The following ZNF804A variants were observed in gnomAD, a reference collection of about 807,000 sequenced individuals.
ZNF804A encodes zinc finger protein 804A.
In ZNF804A, 2 loss-of-function variants were observed where a neutral mutation model predicts 16.5. That is an observed-to-expected ratio of 0.12 (90% CI 0.05 to 0.38). ZNF804A has a LOEUF of 0.38. ZNF804A is among the 10% of genes least tolerant of loss of function. The probability of loss-of-function intolerance (pLI) is 0.99; values close to 1 mark genes in which losing one functional copy is unlikely to be tolerated. For synonymous variants in ZNF804A, 534 were observed against 489.6 expected, an observed-to-expected ratio of 1.09 and a Z score of -1.20; for missense variants, 1,473 against 1,390.7, an observed-to-expected ratio of 1.06 and a Z score of -0.94.
chr2:184,733,311 T>A (rs1478351729), intron 1 of ZNF804A, among the ~76,000 whole-genome samples: 5 of 152,298 alleles, frequency 3.3e-5, no homozygotes, highest in Non-Finnish European at 7.4e-5. Context: ...CTGTAACCTG[T>A]TGATGTAATA....
rs763878894 is a variant in ZNF804A at position 184,938,648 on chromosome 2, G to A, written c.3252G>A (p.Leu1084=). 2 of 1,613,730 alleles carry A rather than the reference G, an allele frequency of 1.2e-6. No individual in the cohort carries two copies. The highest frequency in any genetic ancestry group is 2.2e-5 in the South Asian group (2 of 91,064). ...CCCCTAGCACACCTCTGCAGCCTTT[G>A]CCTTTGCAGCAGTCCTTATGTTCTA... is the stretch of plus-strand genomic sequence containing the variant. ...LPPPSTPLQP[L]PLQQSLCSTS... Residue 1084 remains leucine (L), a synonymous_variant, in exon 4 of 4, where the codon TTG becomes TTA. Transcript: ENST00000302277.
Position 184,938,904 on chromosome 2 carries a change from C to A in ZNF804A, c.3508C>A (p.Pro1170Thr). ...AACTTTTGTTGCTCCTCCTCAGATG[C>A]CAATCATTCCAGCTTCCGTTCTTCA... ...QPTFVAPPQM[P>T]IIPASVLHPS... Residue 1170 changes from proline (P) to threonine (T), a missense_variant, in exon 4 of 4, where the codon CCA (proline) becomes ACA (threonine). Pro to Thr is a conservative substitution (Grantham distance 38). Coordinates refer to ENST00000302277, the MANE Select transcript of ZNF804A (RefSeq NM_194250.2). The A allele has an allele frequency of 6.2e-7, 1 of 1,613,884 alleles. No homozygotes were observed. The highest frequency in any genetic ancestry group is 8.5e-7 in the Non-Finnish European group (1 of 1,179,972).
chr2:184,658,056 T>G (rs560158920), intron 1 of ZNF804A, among the ~76,000 whole-genome samples: 1 of 152,342 alleles, frequency 6.6e-6, no homozygotes. Flanking sequence ...TTCATGGAGG[T>G]CTTCACATAA....
At chr2:184,713,969 T>A (rs1693174592) in intron 1 of ZNF804A, among the ~76,000 whole-genome samples, 1 of 151,984 alleles carries the variant, frequency 6.6e-6, no homozygotes, top group Non-Finnish European at 1.5e-5. Flanking sequence ...ATGAAGAGAT[T>A]TATTAAAAAT....
rs114798080 is a variant in ZNF804A at position 184,846,960 on chromosome 2, G to C, written c.112-19409G>C. Among the ~76,000 whole-genome samples, 1,388 of 152,130 alleles carry C rather than the reference G, an allele frequency of 9.1e-3. 23 individuals are homozygous for C. Among genetic ancestry groups the C allele is most frequent in the African/African-American group, 0.032 (1,327 of 41,512 alleles). On this transcript the variant is annotated intron_variant, in intron 1 of 3. Coordinates refer to ENST00000302277, the MANE Select transcript of ZNF804A (RefSeq NM_194250.2). ...CTTCTTGTACATGAACAGATTCTAA[G>C]GTTAGAAACCATGCTGTTGGTCCAA...
chr2:184,682,594 T>C (rs1692560791), intron 1 of ZNF804A, among the ~76,000 whole-genome samples: 2 of 152,110 alleles, frequency 1.3e-5, no homozygotes, highest in African/African-American at 4.8e-5. Flanking sequence ...AGATTGTAAA[T>C]AGGCAATTGT....
At chr2:184,763,854 A>C (rs1395250195) in intron 1 of ZNF804A, among the ~76,000 whole-genome samples, 6 of 151,236 alleles carry the variant, frequency 4.0e-5, no homozygotes, top group Non-Finnish European at 8.9e-5. Context: ...GTGTTAGCCA[A>C]GATAGCCTCG....
intron 1 of ZNF804A, among the ~76,000 whole-genome samples, chr2:184,814,660 C>G (rs748803485): frequency 2.6e-5 from 4 of 152,020 alleles, no homozygotes; most frequent in Non-Finnish European, 5.9e-5. Context: ...GATATAATCA[C>G]TTGTCTGGTA....
intron 1 of ZNF804A, among the ~76,000 whole-genome samples, chr2:184,696,933 C>A (rs1166759832): frequency 2.6e-5 from 4 of 151,694 alleles, no homozygotes; most frequent in African/African-American, 9.7e-5. Context: ...AAAAAAATCA[C>A]CCAGAAGCCC....
At chr2:184,719,082 T>C (rs1245310087) in intron 1 of ZNF804A, among the ~76,000 whole-genome samples, 1 of 152,180 alleles carries the variant, frequency 6.6e-6, no homozygotes, top group Non-Finnish European at 1.5e-5. Flanking sequence ...AGCTGGAGGT[T>C]CTCAAACCCC....
intron 1 of ZNF804A, among the ~76,000 whole-genome samples, chr2:184,630,443 C>A (rs921766568): frequency 2.6e-5 from 4 of 152,098 alleles, no homozygotes; most frequent in African/African-American, 9.7e-5. Flanking sequence ...CAATGCCAAA[C>A]ACTTTCTCCT....
Position 184,882,998 on chromosome 2 carries a change from T to C in ZNF804A, c.255+16486T>C, listed in dbSNP as rs527336405. On this transcript the variant is annotated intron_variant, in intron 2 of 3. Coordinates refer to ENST00000302277, the MANE Select transcript of ZNF804A (RefSeq NM_194250.2). ...CATAAAAGATCAACAAATCCACAAT[T>C]TGGTTTTTGGAAAGAATAAATAAGA... Among the ~76,000 whole-genome samples the C allele has an allele frequency of 2.0e-5, 3 of 152,072 alleles. No homozygotes were observed. The East Asian group carries it at 5.8e-4, about 29-fold the overall frequency.
At chr2:184,909,270 T>C (rs1272258434) in intron 2 of ZNF804A, among the ~76,000 whole-genome samples, 1 of 152,078 alleles carries the variant, frequency 6.6e-6, no homozygotes, top group Non-Finnish European at 1.5e-5. Context: ...ACAAGTTAAG[T>C]ACTTTATTAG....
At chr2:184,896,742 A>C (rs926048340) in intron 2 of ZNF804A, among the ~76,000 whole-genome samples, 3 of 152,128 alleles carry the variant, frequency 2.0e-5, no homozygotes, top group African/African-American at 7.2e-5. Context: ...TTGTCAATAC[A>C]GTTAAATGTA....
At chr2:184,819,588 A>G (rs1214360817) in intron 1 of ZNF804A, among the ~76,000 whole-genome samples, 1 of 152,034 alleles carries the variant, frequency 6.6e-6, no homozygotes, top group Non-Finnish European at 1.5e-5. Flanking sequence ...GCTGGAGGAG[A>G]TGGAGACACG....
intron 1 of ZNF804A, among the ~76,000 whole-genome samples, chr2:184,746,262 A>G (rs867476623): frequency 6.6e-6 from 1 of 151,526 alleles, no homozygotes; most frequent in Non-Finnish European, 1.5e-5. Context: ...CCCTATTGTG[A>G]TACGAAGCAC....
chr2:184,739,699 T>A (rs1055453585), intron 1 of ZNF804A, among the ~76,000 whole-genome samples: 1 of 152,158 alleles, frequency 6.6e-6, no homozygotes, highest in Admixed American at 6.5e-5. Context: ...GCCTCATGAC[T>A]ATTCTTTATA....
intron 2 of ZNF804A, among the ~76,000 whole-genome samples, chr2:184,920,895 A>G (rs1188638975): frequency 6.6e-6 from 1 of 152,174 alleles, no homozygotes; most frequent in Admixed American, 6.6e-5. Context: ...ATGAAAATAC[A>G]CCTTAGCCAA....
At chr2:184,791,294 A>C (rs1694535417) in intron 1 of ZNF804A, among the ~76,000 whole-genome samples, 1 of 152,066 alleles carries the variant, frequency 6.6e-6, no homozygotes, top group African/African-American at 2.4e-5. Context: ...TCCTTTGCTG[A>C]TGGTGACTAT....
Sources: allele counts gnomAD v4.1 joint callset (sites outside exome capture counted in the v4.1 genomes callset), GRCh38; gene constraint gnomAD v4.1.1; transcripts MANE v1.5; gene names NCBI Gene and HGNC (gene_info 2026-07-23, HGNC 2026-07-21).